Variants in MYH6 observed in about 807,000 individuals in gnomAD.
MYH6 encodes the protein myosin-6.
A neutral mutation model predicts 223.2 loss-of-function variants in MYH6; 126 were observed. The ratio of observed to expected loss-of-function variants is 0.56; its 90% CI spans 0.49 to 0.65. MYH6 has a LOEUF of 0.65. Ranked by LOEUF, MYH6 falls within the 30% of genes least tolerant of loss-of-function variation. MYH6 has a pLI of 0.00. For missense variants in MYH6, 2,040 were observed against 2,536.4 expected, an observed-to-expected ratio of 0.80 and a Z score of 4.20; for synonymous variants, 978 against 1,010.2, an observed-to-expected ratio of 0.97 and a Z score of 0.61.
intron 14 of MYH6, 148 bp from the exon 15 acceptor site, chr14:23,399,185 A>G: frequency 2.0e-6 from 2 of 983,320 alleles, no homozygotes; most frequent in Middle Eastern, 3.1e-4. Flanking sequence ...ACCCTAAAAC[A>G]GGAAGCCAAT....
At position 23,402,802 on chromosome 14, in the gene MYH6, T is replaced by C. The variant is rs1178072887; in HGVS notation, c.899-2A>G. 4 of 1,595,676 alleles carry C rather than the reference T, an allele frequency of 2.5e-6. No homozygotes were observed. The highest frequency in any genetic ancestry group is 2.6e-6 in the Non-Finnish European group (3 of 1,172,176). ...GATTGTTGGTGACCAGCAGCATGTC[T>C]GCACCAGGCAAGGGGTGAGGCAGGG... On this transcript the variant is annotated splice_acceptor_variant, in intron 10 of 38. Transcript: ENST00000405093. LOFTEE classifies it high-confidence loss of function.
chr14:23,387,450 C>T (rs1595050358), intron 32 of MYH6, 79 bp downstream of exon 32: 1 of 1,595,492 alleles, frequency 6.3e-7, no homozygotes, highest in East Asian at 2.2e-5. Flanking sequence ...GTCCTGGGGT[C>T]AGGGTCACCC....
At position 23,397,305 on chromosome 14, in the gene MYH6, T is replaced by C. The variant is rs1457841509; in HGVS notation, c.1963-48A>G. On this transcript the variant is annotated intron_variant, in intron 16 of 38. Transcript: ENST00000405093. ...AGTTAGGAGCCACAAGGACCATCCCTTAGGCCCTTAAACCCTGGTCCCCAG... is the reference window on the plus strand; with the variant it reads ...AGTTAGGAGCCACAAGGACCATCCCCTAGGCCCTTAAACCCTGGTCCCCAG... 3.2e-6 allele frequency: 5 copies of C among 1,555,162 alleles called. No individual in the cohort carries two copies. In the Admixed American group the frequency reaches 5.0e-5, roughly 16 times the overall value.
At chr14:23,398,296 G>A (rs1483601789) in intron 15 of MYH6, among the ~76,000 whole-genome samples, 2 of 152,160 alleles carry the variant, frequency 1.3e-5, no homozygotes, top group South Asian at 2.1e-4. Flanking sequence ...GATTACAGGC[G>A]TGAGCCACCG....
intron 36 of MYH6, among the ~76,000 whole-genome samples, chr14:23,383,736 T>A (rs1890931901): frequency 6.6e-6 from 1 of 152,198 alleles, no homozygotes; most frequent in South Asian, 2.1e-4. Flanking sequence ...TAATCCAGAT[T>A]ATTCTACATT....
Position 23,389,066 on chromosome 14 carries a change from G to T in MYH6, c.3979-11C>A, listed in dbSNP as rs200618133. 6.7e-5 allele frequency: 105 copies of T among 1,569,934 alleles called. 1 individual carries two copies. Among genetic ancestry groups the T allele is most frequent in the Middle Eastern group, 3.5e-4 (2 of 5,782 alleles). On this transcript the variant is annotated splice_polypyrimidine_tract_variant and intron_variant, in intron 28 of 38. Transcript: ENST00000405093. Reference sequence around the variant, plus strand: ...CAGGGCGTTCTTCGCCTGGGGAGGGGGGGGGGCACCAGGAGGTGGGAGGGA... The same window carrying T: ...CAGGGCGTTCTTCGCCTGGGGAGGGTGGGGGGCACCAGGAGGTGGGAGGGA...
chr14:23,385,052 A>G lies in MYH6; in HGVS notation c.5164-11T>C. On this transcript the variant is annotated splice_polypyrimidine_tract_variant and intron_variant, in intron 34 of 38. Coordinates refer to ENST00000405093, the MANE Select transcript of MYH6 (RefSeq NM_002471.4). ...GATGAGGCTGGTGTTCTAGACATGG[A>G]GAGAGAAAAATGATCAAATATATAC... 6.2e-7 allele frequency: 1 copy of G among 1,614,062 alleles called. No homozygotes were observed. The highest frequency in any genetic ancestry group is 2.2e-5 in the East Asian group (1 of 44,848).
Position 23,387,584 on chromosome 14 carries a change from C to A in MYH6, c.4595G>T (p.Arg1532Leu), listed in dbSNP as rs34330111. 198 of 1,614,066 alleles carry A rather than the reference C, an allele frequency of 1.2e-4. No individual in the cohort carries two copies. In the African/African-American group the frequency reaches 1.9e-3, roughly 16 times the overall value. The change falls in exon 32 of 39, where the codon CGC becomes CTC. Residue 1532 changes from arginine to leucine, a missense_variant. Physicochemically the swap from Arg to Leu is moderately radical, Grantham distance 102. Coordinates refer to ENST00000405093, the MANE Select transcript of MYH6 (RefSeq NM_002471.4). Reference protein sequence around the residue: ...GKNVHELEKVRKQLEVEKLEL... With the variant: ...GKNVHELEKVLKQLEVEKLEL... ...CAGCTTCTCCACCTCCAGCTGTTTG[C>A]GGACCTTCTCCAGCTCATGCACATT...
rs1891633873 is a variant in MYH6 at position 23,402,485 on chromosome 14, C to A, written c.1120G>T (p.Ala374Ser). The A allele has an allele frequency of 8.1e-6, 13 of 1,613,374 alleles. No homozygotes were observed. The highest frequency in any genetic ancestry group is 1.3e-5 in the African/African-American group (1 of 74,790). Residue 374 changes from alanine to serine, a missense_variant, in exon 12 of 39, where the codon GCG (alanine) becomes TCG (serine). Transcript: ENST00000405093. ...CCACCTTCGGTGCCGTCTGGCTCCGCCTGCTCCTCCCGCTGCTTCTGCTTG... is the reference window on the plus strand; with the variant it reads ...CCACCTTCGGTGCCGTCTGGCTCCGACTGCTCCTCCCGCTGCTTCTGCTTG... ...KFKQKQREEQ[A>S]EPDGTEDADK...
At chr14:23,400,235 G>A in intron 14 of MYH6, 21 bp downstream of exon 14, 1 of 1,614,216 alleles carries the variant, frequency 6.2e-7, no homozygotes, top group Non-Finnish European at 8.5e-7. Context: ...GGGGGCATAG[G>A]TGGTGAGGCC....
chr14:23,393,152 T>C (rs1000016502), intron 23 of MYH6, 95 bp from the exon 24 acceptor site: 41 of 1,556,530 alleles, frequency 2.6e-5, no homozygotes, highest in Non-Finnish European at 3.6e-5. Context: ...CCAGTGGGAT[T>C]GGAAGTCAAA....
Position 23,405,127 on chromosome 14 carries a change from T to G in MYH6, c.503A>C (p.Asp168Ala), listed in dbSNP as rs1448164373. ...SDNAYQYMLTDRENQSILITG... is the reference protein window; with the variant it reads ...SDNAYQYMLTARENQSILITG... Reference sequence around the variant, plus strand: ...GATGAGGATGGACTGGTTCTCCCGATCTGGAAGAAAAAAGAGGAGAAGCAA... The same window carrying G: ...GATGAGGATGGACTGGTTCTCCCGAGCTGGAAGAAAAAAGAGGAGAAGCAA... Residue 168 changes from aspartate (D) to alanine (A), a missense_variant and splice_region_variant, in exon 6 of 39, where the codon GAT becomes GCT. Transcript: ENST00000405093. The surrounding 1 kb of genome is among the most constrained non-coding windows in gnomAD (Gnocchi z 4.7). 1 of 1,613,884 alleles carries G rather than the reference T, an allele frequency of 6.2e-7. No individual in the cohort carries two copies. The highest frequency in any genetic ancestry group is 8.5e-7 in the Non-Finnish European group (1 of 1,179,980).
rs927759712 is a variant in MYH6 at position 23,401,089 on chromosome 14, C to T, written c.1142-112G>A. The T allele has an allele frequency of 4.0e-6, 6 of 1,501,282 alleles. No homozygotes were observed. The African/African-American group carries it at 8.3e-5, about 21-fold the overall frequency. The allele number at this position is 1,501,282 out of a possible 1,614,324, so 93.0% of individuals were successfully genotyped here. A position where few individuals can be genotyped will look rare whatever the true frequency, so the allele number is the denominator to read the frequency against. ...TGGCACGATCTTGGCTCACTACAGCCTCCACCTCCTGGGTTCAAGTGATTT... is the reference window on the plus strand; with the variant it reads ...TGGCACGATCTTGGCTCACTACAGCTTCCACCTCCTGGGTTCAAGTGATTT... On this transcript the variant is annotated intron_variant, in intron 12 of 38. Transcript: ENST00000405093.
In MYH6 at chr14:23,405,542, C is replaced by A; in HGVS notation, c.345+85G>T. On this transcript the variant is annotated intron_variant, in intron 4 of 38. Coordinates refer to ENST00000405093, the MANE Select transcript of MYH6 (RefSeq NM_002471.4). This position sits in a 1 kb window ranked among gnomAD's most constrained non-coding sequence, Gnocchi z 4.7. ...GGACTTGGGTCCCTTGGGAGTCTCT[C>A]CCCCTCTTCTTGGGAGAGCCCCCCT... is the stretch of plus-strand genomic sequence containing the variant. The A allele has an allele frequency of 6.2e-7, 1 of 1,604,988 alleles. No homozygotes were observed. The highest frequency in any genetic ancestry group is 8.5e-7 in the Non-Finnish European group (1 of 1,174,792).
Position 23,388,943 on chromosome 14 carries a change from G to T in MYH6, c.4091C>A (p.Ser1364Tyr). Reference protein sequence around the residue: ...EAKAELQRVLSKANSEVAQWR... With the variant: ...EAKAELQRVLYKANSEVAQWR... Reference sequence around the variant, plus strand: ...CTGGGCCACCTCCGAGTTGGCCTTGGACAGGACGCGCTGCAGCTCGGCCTT... The same window carrying T: ...CTGGGCCACCTCCGAGTTGGCCTTGTACAGGACGCGCTGCAGCTCGGCCTT... The change falls in exon 29 of 39, where the codon TCC (serine) becomes TAC (tyrosine). Residue 1364 changes from serine to tyrosine, a missense_variant. Around this residue, in one of 4 missense-constraint regions of MYH6, gnomAD observed 1,203 missense variants for 1,400.2 expected, o/e 0.86. Coordinates refer to ENST00000405093, the MANE Select transcript of MYH6 (RefSeq NM_002471.4). 6.2e-7 allele frequency: 1 copy of T among 1,613,738 alleles called. No homozygotes were observed. Among genetic ancestry groups the T allele is most frequent in the Non-Finnish European group, 8.5e-7 (1 of 1,180,034 alleles).
Position 23,397,523 on chromosome 14 carries a change from C to G in MYH6, c.1962+20G>C, listed in dbSNP as rs762151150. 2 of 1,613,146 alleles carry G rather than the reference C, an allele frequency of 1.2e-6. No individual in the cohort carries two copies. The highest frequency in any genetic ancestry group is 2.2e-5 in the South Asian group (2 of 91,062). On this transcript the variant is annotated intron_variant, in intron 16 of 38. Coordinates refer to ENST00000405093, the MANE Select transcript of MYH6 (RefSeq NM_002471.4). ...TGGGCCATTCCACCAGGTGTCCTGG[C>G]ACCCCTGGGCCCTTCTTACCCGGTG... is the stretch of plus-strand genomic sequence containing the variant.
In MYH6 at chr14:23,388,568, C is replaced by G. The variant is rs373696663; in HGVS notation, c.4176-230G>C. On this transcript the variant is annotated intron_variant, in intron 29 of 38. Transcript: ENST00000405093. The stretch of plus-strand genomic sequence containing the variant: ...GTCAGTGCCCCCTGCCCTCACCCCC[C>G]ACACAGGCTGATCGACGGTAGCTCC... 12 of 866,462 alleles carry G rather than the reference C, an allele frequency of 1.4e-5. No homozygotes were observed. In the East Asian group the frequency reaches 2.7e-4, roughly 19 times the overall value. 53.7% of individuals were successfully genotyped at this position (866,462 alleles called of 1,614,324 possible). A position where few individuals can be genotyped will look rare whatever the true frequency, so the allele number is the denominator to read the frequency against.
At chr14:23,403,969 C>A (rs1195300352) in intron 8 of MYH6, among the ~76,000 whole-genome samples, 191 bp from the exon 9 acceptor site, 2 of 152,192 alleles carry the variant, frequency 1.3e-5, no homozygotes, top group Non-Finnish European at 2.9e-5. Context: ...CCTAGTGGAA[C>A]CTCGGCCCAG....
rs1891837640 is a variant in MYH6, at chr14:23,407,891, G to C, written c.-46-283C>G. On this transcript the variant is annotated intron_variant, in intron 1 of 38. Transcript: ENST00000405093. This position sits in a 1 kb window ranked among gnomAD's most constrained non-coding sequence, Gnocchi z 5.6. ...TGCCAAGAAGGAAGGACAAGGGAGA[G>C]AGACAAAGAAGCATGATTGTGACAA... Among the ~76,000 whole-genome samples, 2 of 152,076 alleles carry C rather than the reference G, an allele frequency of 1.3e-5. No homozygotes were observed. Among genetic ancestry groups the C allele is most frequent in the African/African-American group, 2.4e-5 (1 of 41,392 alleles).
Sources: allele counts gnomAD v4.1 joint callset (sites outside exome capture counted in the v4.1 genomes callset), GRCh38; gene constraint gnomAD v4.1.1; regional missense constraint gnomAD v4.1.1; non-coding constraint Gnocchi (gnomAD v3.1); transcripts MANE v1.5; gene names NCBI Gene and HGNC (gene_info 2026-07-23, HGNC 2026-07-21).